HHAT: variants seen among roughly 807,000 people sequenced by gnomAD.
HHAT encodes the protein hedgehog acyltransferase, also known as protein-cysteine N-palmitoyltransferase HHAT.
In HHAT, 47 loss-of-function variants were observed where a neutral mutation model predicts 70.8. The ratio of observed to expected loss-of-function variants is 0.66; its 90% CI spans 0.53 to 0.85. HHAT has a LOEUF of 0.85. HHAT is among the 40% of genes least tolerant of loss of function. The pLI is 0.00. For synonymous variants in HHAT, 228 were observed against 247.6 expected, an observed-to-expected ratio of 0.92 and a Z score of 0.74; for missense variants, 609 against 604.8, an observed-to-expected ratio of 1.01 and a Z score of -0.07.
chr1:210,481,866 G>A (rs898828356), intron 8 of HHAT, among the ~76,000 whole-genome samples: 7 of 152,162 alleles, frequency 4.6e-5, no homozygotes, highest in African/African-American at 1.4e-4. Context: ...GGAGATTATG[G>A]GAGTCATGTG....
At chr1:210,506,441 A>G (rs537384898) in intron 8 of HHAT, among the ~76,000 whole-genome samples, 1 of 152,326 alleles carries the variant, frequency 6.6e-6, no homozygotes, top group East Asian at 1.9e-4. Flanking sequence ...GGCTGCTATC[A>G]GTTGATGTGC....
chr1:210,363,650 G>T (rs2088599124), intron 3 of HHAT, among the ~76,000 whole-genome samples: 1 of 152,144 alleles, frequency 6.6e-6, no homozygotes, highest in Admixed American at 6.5e-5. Flanking sequence ...GACTTGGACT[G>T]TAGGGGGTCC....
intron 11 of HHAT, among the ~76,000 whole-genome samples, chr1:210,625,339 C>T (rs936942819): frequency 2.6e-5 from 4 of 152,098 alleles, no homozygotes; most frequent in African/African-American, 4.8e-5. Context: ...GGGGAAAGTG[C>T]GGACTTGGTT....
At chr1:210,640,430 A>G (rs1230066646) in intron 11 of HHAT, among the ~76,000 whole-genome samples, 1 of 152,196 alleles carries the variant, frequency 6.6e-6, no homozygotes, top group Non-Finnish European at 1.5e-5. Flanking sequence ...AGTTGTAATG[A>G]AAACTCTTCT....
At chr1:210,566,138 G>T (rs1352843746) in intron 9 of HHAT, among the ~76,000 whole-genome samples, 1 of 152,172 alleles carries the variant, frequency 6.6e-6, no homozygotes, top group African/African-American at 2.4e-5. Flanking sequence ...TCACAAACAT[G>T]ACCCTGAACA....
chr1:210,667,268 G>A (rs1679108823), intron 11 of HHAT, among the ~76,000 whole-genome samples: 1 of 151,994 alleles, frequency 6.6e-6, no homozygotes, highest in Admixed American at 6.6e-5. Context: ...TGTAAATGCA[G>A]CTACTCGGGA....
intron 3 of HHAT, among the ~76,000 whole-genome samples, chr1:210,379,188 G>C (rs1396559657): frequency 2.6e-5 from 4 of 152,204 alleles, no homozygotes; most frequent in African/African-American, 9.7e-5. Context: ...CTGGACCCCA[G>C]AATCTCCAGC....
At chr1:210,427,515 T>C (rs1273297705) in intron 7 of HHAT, among the ~76,000 whole-genome samples, 1 of 152,186 alleles carries the variant, frequency 6.6e-6, no homozygotes, top group African/African-American at 2.4e-5. Flanking sequence ...TTTATTCTGG[T>C]TAGTTTGAAA....
chr1:210,330,917 C>G (rs1392741715), intron 1 of HHAT, among the ~76,000 whole-genome samples: 4 of 152,178 alleles, frequency 2.6e-5, no homozygotes, highest in African/African-American at 7.2e-5. Context: ...CTCTGGGGAT[C>G]AAGCAATTCT....
At chr1:210,615,779 C>T (rs1404664431) in intron 10 of HHAT, among the ~76,000 whole-genome samples, 1 of 152,210 alleles carries the variant, frequency 6.6e-6, no homozygotes, top group East Asian at 1.9e-4. Flanking sequence ...AATGTTGCTG[C>T]CTGATCGTTC....
intron 9 of HHAT, among the ~76,000 whole-genome samples, chr1:210,556,081 G>A (rs2095569636): frequency 6.6e-5 from 10 of 151,856 alleles, no homozygotes; most frequent in Admixed American, 6.6e-4. Flanking sequence ...TAGTGTGCAG[G>A]GAGTTTAGTC....
intron 10 of HHAT, among the ~76,000 whole-genome samples, chr1:210,602,432 G>C (rs1341335315): frequency 2.6e-5 from 4 of 152,180 alleles, no homozygotes; most frequent in Non-Finnish European, 5.9e-5. Flanking sequence ...GATTTGGCTA[G>C]GGTCAGGAGG....
At chr1:210,359,872 C>CAA (rs138163269) in intron 2 of HHAT, among the ~76,000 whole-genome samples, 4 of 148,248 alleles carry the variant, frequency 2.7e-5, no homozygotes, top group East Asian at 2.0e-4. Context: ...TGGGAAAAAA[C>CAA]AAAAAAAAAA....
intron 8 of HHAT, among the ~76,000 whole-genome samples, chr1:210,510,635 G>T (rs1386187484): frequency 6.6e-6 from 1 of 152,194 alleles, no homozygotes; most frequent in Non-Finnish European, 1.5e-5. Flanking sequence ...TTAGCAGGGT[G>T]CTTGGGAAGA....
chr1:210,365,309 G>GTTTTTTTTTTTTTTTT (rs4027290), intron 3 of HHAT, among the ~76,000 whole-genome samples: 1 of 78,420 alleles, frequency 1.3e-5, no homozygotes, highest in African/African-American at 5.2e-5. Context: ...ACTGCTGACA[G>GTTTTTTTTTTTTTTTT]TTTTTTTTTT....
intron 10 of HHAT, among the ~76,000 whole-genome samples, chr1:210,613,352 G>C (rs905836245): frequency 7.9e-5 from 12 of 152,096 alleles, no homozygotes; most frequent in African/African-American, 2.9e-4. Context: ...CCATTTGTTG[G>C]AAAGACTGTT....
chr1:210,406,035 G>C (rs1572203209), intron 6 of HHAT, among the ~76,000 whole-genome samples: 2 of 152,258 alleles, frequency 1.3e-5, no homozygotes, highest in South Asian at 4.1e-4. Context: ...CCAACCTCCT[G>C]AATCACAGCC....
In HHAT at chr1:210,625,222, A is replaced by T. The variant is rs76212732; in HGVS notation, c.1390+1552A>T. 4.7e-3 allele frequency among the ~76,000 whole-genome samples: 712 copies of T among 152,318 alleles called. 31 individuals carry two copies. In the East Asian group the frequency reaches 0.098, roughly 21 times the overall value. The stretch of plus-strand genomic sequence containing the variant: ...TGTCCTTTAATAAAGATGAGAGATA[A>T]TAGGGCATTATGGATCTAAAGATAA... On this transcript the variant is annotated intron_variant, in intron 11 of 11. Transcript: ENST00000261458.
chr1:210,660,239 G>T (rs371748983), intron 11 of HHAT, among the ~76,000 whole-genome samples: 1 of 152,098 alleles, frequency 6.6e-6, no homozygotes, highest in Non-Finnish European at 1.5e-5. Flanking sequence ...AAATCAATGT[G>T]CAAAAATCAC....
Sources: allele counts gnomAD v4.1 joint callset (sites outside exome capture counted in the v4.1 genomes callset), GRCh38; gene constraint gnomAD v4.1.1; transcripts MANE v1.5; gene names NCBI Gene and HGNC (gene_info 2026-07-23, HGNC 2026-07-21).